The following FRMD6 variants were observed in gnomAD, a reference collection of about 807,000 sequenced individuals.
The protein encoded by FRMD6 is FERM domain containing 6.
In FRMD6, 37 loss-of-function variants were observed where a neutral mutation model predicts 73.2. The ratio of observed to expected loss-of-function variants is 0.51; its 90% confidence interval spans 0.39 to 0.66. The LOEUF (loss-of-function observed/expected upper bound fraction) is 0.66. Among genes scored for constraint, FRMD6 ranks in the 30% least tolerant of loss-of-function variants. The pLI, the probability that FRMD6 is intolerant of heterozygous loss-of-function variation, is 0.00. For synonymous variants in FRMD6, 273 were observed against 282.2 expected, an observed-to-expected ratio of 0.97 and a Z score of 0.33; for missense variants, 714 against 780.5, an observed-to-expected ratio of 0.91 and a Z score of 1.02.
chr14:51,608,782 A>G lies in FRMD6; in HGVS notation c.-147+38372A>G, dbSNP rs138805423. On this transcript the variant is annotated intron_variant, in intron 2 of 14. Transcript: ENST00000356218. ...TTTGTCATTCATTCTTTCAATACAC[A>G]TGTACGTTAGTGCACAGGATAAGTG... Among the ~76,000 whole-genome samples, 1,071 of 152,202 alleles carry G rather than the reference A, an allele frequency of 7.0e-3. 15 individuals are homozygous for G. Among genetic ancestry groups the G allele is most frequent in the African/African-American group, 0.024 (1,017 of 41,518 alleles).
intron 1 of FRMD6, among the ~76,000 whole-genome samples, chr14:51,675,147 T>C (rs1244845243): frequency 1.3e-5 from 2 of 152,134 alleles, no homozygotes; most frequent in Non-Finnish European, 2.9e-5. Flanking sequence ...ATGGTAGTTA[T>C]CTTCTAGAAG....
chr14:51,667,095 T>C (rs560874969), intron 1 of FRMD6, among the ~76,000 whole-genome samples: 65 of 152,152 alleles, frequency 4.3e-4, no homozygotes, highest in African/African-American at 1.6e-3. Flanking sequence ...GATCATGCCA[T>C]TGTACTCCAG....
chr14:51,473,638 C>T, the FRMD6 span, among the ~76,000 whole-genome samples: 1 of 152,096 alleles, frequency 6.6e-6, no homozygotes, highest in African/African-American at 2.4e-5. Flanking sequence ...GACCTGTGCC[C>T]CAGGTTAGGG....
chr14:51,557,794 C>T (rs917904011), intron 1 of FRMD6, among the ~76,000 whole-genome samples: 14 of 151,924 alleles, frequency 9.2e-5, no homozygotes, highest in African/African-American at 9.7e-5. Context: ...CAACAGACAC[C>T]GGGACCTACT....
At chr14:51,593,024 G>T (rs1327637600) in intron 2 of FRMD6, among the ~76,000 whole-genome samples, 2 of 152,178 alleles carry the variant, frequency 1.3e-5, no homozygotes, top group Non-Finnish European at 2.9e-5. Context: ...AGAGCTGATG[G>T]TTATGTGATG....
At chr14:51,523,875 T>C (rs1405797828) in intron 1 of FRMD6, among the ~76,000 whole-genome samples, 2 of 152,224 alleles carry the variant, frequency 1.3e-5, no homozygotes, top group Non-Finnish European at 2.9e-5. Context: ...ACAGTGTTGT[T>C]GACCAAATTG....
Position 51,704,901 on chromosome 14 carries a change from A to C in FRMD6, c.524A>C (p.Lys175Thr). The C allele has an allele frequency of 1.2e-6, 2 of 1,611,896 alleles. No individual in the cohort carries two copies. Among genetic ancestry groups the C allele is most frequent in the Non-Finnish European group, 1.7e-6 (2 of 1,178,572 alleles). ...GNFKRNKHYG[K>T]YFEPEAYFPS... ...TTCAAAAGGAATAAGCACTATGGAA[A>C]ATACTTCGAGCCAGAGGCTTACTTC... Residue 175 changes from lysine to threonine, a missense_variant, in exon 6 of 14, where the codon AAA becomes ACA. Transcript: ENST00000344768.
At chr14:51,479,747 T>A in the FRMD6 span, among the ~76,000 whole-genome samples, 2 of 152,144 alleles carry the variant, frequency 1.3e-5, no homozygotes, top group African/African-American at 2.4e-5. Flanking sequence ...ATAATAGAAC[T>A]GAGACTTGAG....
the FRMD6 span, among the ~76,000 whole-genome samples, chr14:51,437,228 A>G: frequency 6.6e-6 from 1 of 152,112 alleles, no homozygotes; most frequent in African/African-American, 2.4e-5. Flanking sequence ...GAGTGAGAAC[A>G]TGCAGTGTTT....
intron 2 of FRMD6, among the ~76,000 whole-genome samples, chr14:51,610,258 A>T (rs1890435072): frequency 6.9e-6 from 1 of 145,338 alleles, no homozygotes; most frequent in South Asian, 2.2e-4. Context: ...TCCTCCAACC[A>T]CTCCTATCTT....
chr14:51,652,535 G>T (rs1892496631), intron 1 of FRMD6, among the ~76,000 whole-genome samples: 1 of 152,356 alleles, frequency 6.6e-6, no homozygotes, highest in South Asian at 2.1e-4. Context: ...CCTGTTGTGC[G>T]CGCGCAGAGG....
chr14:51,720,035 C>G lies in FRMD6; in HGVS notation c.1025-20C>G, dbSNP rs757736486. On this transcript the variant is annotated intron_variant, in intron 10 of 13. Coordinates refer to ENST00000344768, the MANE Select transcript of FRMD6 (RefSeq NM_001267046.2). ...CGTTCCTTCTGTCTTGGTTAATGAA[C>G]TGTGTTCCCCACCACGTAGAGAAGA... 3.8e-6 allele frequency: 6 copies of G among 1,585,646 alleles called. No individual in the cohort carries two copies. Among genetic ancestry groups the G allele is most frequent in the South Asian group, 1.1e-5 (1 of 87,198 alleles).
chr14:51,486,069 C>T (rs1302126041), upstream of FRMD6, among the ~76,000 whole-genome samples: 1 of 150,858 alleles, frequency 6.6e-6, no homozygotes, highest in Non-Finnish European at 1.5e-5. Flanking sequence ...GAGTCTCGCA[C>T]TGTCACCCAG....
chr14:51,615,923 G>A (rs116714911), intron 2 of FRMD6, among the ~76,000 whole-genome samples: 5 of 152,308 alleles, frequency 3.3e-5, no homozygotes, highest in African/African-American at 1.2e-4. Flanking sequence ...ACAGGTAGAG[G>A]TGATGAGTTC....
At position 51,728,549 on chromosome 14, in the gene FRMD6, G is replaced by A; in HGVS notation, c.*520G>A. On this transcript the variant is annotated 3_prime_UTR_variant, in exon 14 of 14. Transcript: ENST00000344768. ...CTGAGGCTGTCCCAAAGTGAACACT[G>A]ATGGAGTGGTCAAAATCATAAGGTT... 6.3e-6 allele frequency: 1 copy of A among 159,130 alleles called. No individual in the cohort carries two copies. The highest frequency in any genetic ancestry group is 5.9e-5 in the Admixed American group (1 of 17,094). The allele number at this position is 159,130 out of a possible 1,614,324, so 9.9% of individuals were successfully genotyped here. A position where few individuals can be genotyped will look rare whatever the true frequency, so the allele number is the denominator to read the frequency against.
At chr14:51,461,088 C>T in the FRMD6 span, among the ~76,000 whole-genome samples, 1 of 152,184 alleles carries the variant, frequency 6.6e-6, no homozygotes, top group Non-Finnish European at 1.5e-5. Flanking sequence ...ATTTTGACTA[C>T]AGACATGTGT....
intron 1 of FRMD6, among the ~76,000 whole-genome samples, chr14:51,657,535 C>T (rs370128590): frequency 1.3e-5 from 2 of 152,126 alleles, no homozygotes; most frequent in African/African-American, 2.4e-5. Flanking sequence ...TGATGTAGGT[C>T]GCAATAGGTC....
intron 2 of FRMD6, among the ~76,000 whole-genome samples, chr14:51,574,274 C>T (rs1327418582): frequency 2.0e-5 from 3 of 152,212 alleles, no homozygotes; most frequent in Non-Finnish European, 2.9e-5. Flanking sequence ...CTGGTTGTGC[C>T]CTGGAATTTA....
At chr14:51,587,387 G>A (rs1389030063) in intron 2 of FRMD6, among the ~76,000 whole-genome samples, 1 of 152,170 alleles carries the variant, frequency 6.6e-6, no homozygotes, top group Non-Finnish European at 1.5e-5. Flanking sequence ...ATTGAGGGCA[G>A]ACCTTAAACA....
Sources: allele counts gnomAD v4.1 joint callset (sites outside exome capture counted in the v4.1 genomes callset), GRCh38; gene constraint gnomAD v4.1.1; transcripts MANE v1.5; gene names NCBI Gene and HGNC (gene_info 2026-07-23, HGNC 2026-07-21).